The following ARL17B variants were observed in gnomAD, a reference collection of about 807,000 sequenced individuals.
ARL17B encodes the protein ARF like GTPase 17B.
chr17:46,284,309 A>C (rs534555501), intron 4 of ARL17B, among the ~76,000 whole-genome samples: 1 of 152,252 alleles, frequency 6.6e-6, no homozygotes, highest in Admixed American at 6.5e-5. Flanking sequence ...GTCCCTGGGC[A>C]CTTGACATTA....
intron 4 of ARL17B, among the ~76,000 whole-genome samples, chr17:46,284,438 C>T (rs2049852160): frequency 6.6e-6 from 1 of 152,204 alleles, no homozygotes; most frequent in Non-Finnish European, 1.5e-5. Context: ...TCTCAGAGAG[C>T]ACGGGGTTGG....
intron 4 of ARL17B, among the ~76,000 whole-genome samples, chr17:46,286,575 C>G (rs2049920247): frequency 6.6e-6 from 1 of 152,064 alleles, no homozygotes; most frequent in South Asian, 2.1e-4. Flanking sequence ...ACCATTAAAC[C>G]ACATTTTCCC....
intron 4 of ARL17B, among the ~76,000 whole-genome samples, chr17:46,291,969 C>CAAAAAA (rs59554870): frequency 2.2e-3 from 126 of 58,000 alleles, no homozygotes; most frequent in Non-Finnish European, 3.0e-3. Context: ...TCTCAAAAAG[C>CAAAAAA]AAAAAAAAAA....
intron 4 of ARL17B, among the ~76,000 whole-genome samples, chr17:46,285,819 A>G (rs1598076516): frequency 6.6e-6 from 1 of 152,242 alleles, no homozygotes; most frequent in African/African-American, 2.4e-5. Flanking sequence ...CTAACATTGG[A>G]AACTTGAAAT....
chr17:46,276,052 G>A (rs1370064582), intron 4 of ARL17B, among the ~76,000 whole-genome samples: 2 of 152,116 alleles, frequency 1.3e-5, no homozygotes, highest in Non-Finnish European at 2.9e-5. Context: ...CACCACACCC[G>A]GCTAATTTTT....
chr17:46,284,879 C>T (rs1326831939), intron 4 of ARL17B, among the ~76,000 whole-genome samples: 1 of 152,138 alleles, frequency 6.6e-6, no homozygotes, highest in Non-Finnish European at 1.5e-5. Context: ...TATTTCCCCC[C>T]ATTGTTTTGA....
At chr17:46,289,056 G>A (rs1013921918) in intron 4 of ARL17B, among the ~76,000 whole-genome samples, 8 of 152,100 alleles carry the variant, frequency 5.3e-5, no homozygotes, top group Admixed American at 3.3e-4. Flanking sequence ...CATCTCTTCT[G>A]CTATCCTGTA....
intron 4 of ARL17B, among the ~76,000 whole-genome samples, chr17:46,277,621 G>C (rs1169263105): frequency 1.4e-5 from 2 of 146,054 alleles, no homozygotes; most frequent in South Asian, 4.2e-4. Flanking sequence ...TCTCTGGGTA[G>C]ATTTCTTTTC....
intron 4 of ARL17B, among the ~76,000 whole-genome samples, chr17:46,278,486 C>A (rs1015580692): frequency 2.0e-5 from 3 of 151,736 alleles, no homozygotes; most frequent in Non-Finnish European, 2.9e-5. Flanking sequence ...CTCACTGCAA[C>A]CTCCACCTCC....
chr17:46,312,934 C>T (rs2050879966), intron 3 of ARL17B, among the ~76,000 whole-genome samples: 2 of 105,382 alleles, frequency 1.9e-5, no homozygotes, highest in African/African-American at 7.2e-5. Context: ...CTGACTCACT[C>T]TGATCTTGGT....
At chr17:46,279,887 T>C (rs1226247112) in intron 4 of ARL17B, among the ~76,000 whole-genome samples, 1 of 152,202 alleles carries the variant, frequency 6.6e-6, no homozygotes, top group Non-Finnish European at 1.5e-5. Flanking sequence ...ATCATAGCCT[T>C]ATGTTTTTCT....
Position 46,308,139 on chromosome 17 carries a change from A to T in ARL17B, c.260-8474T>A, listed in dbSNP as rs901930198. 2.2e-4 allele frequency among the ~76,000 whole-genome samples: 12 copies of T among 55,468 alleles called. 3 individuals are homozygous for T. The highest frequency in any genetic ancestry group is 2.1e-3 in the Admixed American group (10 of 4,746). The allele number at this position is 55,468 out of a possible 152,430, so 36.4% of individuals were successfully genotyped here. ...TAAAAATTAATGAATTCACTCAAAAACATTCAGAGTGTCATGTCCATTTGT... is the reference window on the plus strand; with the variant it reads ...TAAAAATTAATGAATTCACTCAAAATCATTCAGAGTGTCATGTCCATTTGT... On this transcript the variant is annotated intron_variant, in intron 3 of 4. Coordinates refer to the ARL17B transcript ENST00000434041.
intron 4 of ARL17B, among the ~76,000 whole-genome samples, chr17:46,283,501 C>A (rs1382089497): frequency 6.6e-6 from 1 of 152,212 alleles, no homozygotes; most frequent in Non-Finnish European, 1.5e-5. Flanking sequence ...GTTTTAAATG[C>A]GATACATGAA....
At chr17:46,275,258 A>T (rs1176426417) in exon 5 of ARL17B, 2 of 500,564 alleles carry the variant, frequency 4.0e-6, no homozygotes, top group Non-Finnish European at 6.5e-6. Context: ...TATGACCAAT[A>T]AAAACAAAGT....
chr17:46,331,484 A>G, downstream of ARL17B: 1 of 1,600,412 alleles, frequency 6.2e-7, no homozygotes, highest in Admixed American at 1.7e-5. Context: ...AAATGATTTT[A>G]TGGAAAACAC....
downstream of ARL17B, among the ~76,000 whole-genome samples, chr17:46,334,466 G>T (rs1598187210): frequency 2.6e-4 from 1 of 3,912 alleles, no homozygotes; most frequent in Non-Finnish European, 6.3e-4. Context: ...TCAGGGCCTT[G>T]TTGTCACCCA....
exon 5 of ARL17B, chr17:46,275,405 T>C (rs1306630229): frequency 1.0e-6 from 1 of 997,356 alleles, no homozygotes; most frequent in Middle Eastern, 2.7e-4. Context: ...GACTGCAGTT[T>C]GTTGTTGTGA....
At chr17:46,279,219 T>C (rs1258299259) in intron 4 of ARL17B, among the ~76,000 whole-genome samples, 1 of 150,784 alleles carries the variant, frequency 6.6e-6, no homozygotes, top group African/African-American at 2.4e-5. Flanking sequence ...AGTCTCGCTC[T>C]GTCGCCTAGG....
intron 3 of ARL17B, among the ~76,000 whole-genome samples, chr17:46,314,800 T>C (rs1483812140): frequency 1.2e-5 from 1 of 82,230 alleles, no homozygotes; most frequent in Non-Finnish European, 3.7e-5. Flanking sequence ...TGGTCTGTAA[T>C]TTTTTGTGTG....
Sources: allele counts gnomAD v4.1 joint callset (sites outside exome capture counted in the v4.1 genomes callset), GRCh38; gene constraint gnomAD v4.1.1; transcripts MANE v1.5; gene names NCBI Gene and HGNC (gene_info 2026-07-23, HGNC 2026-07-21).